The following CHD5 variants were observed in gnomAD, a reference collection of about 807,000 sequenced individuals.
CHD5 encodes ATP-dependent chromatin remodeler CHD5.
Under a neutral mutation model 230.3 loss-of-function variants are expected in CHD5, and 69 were observed. The ratio of observed to expected loss-of-function variants is 0.30; its 90% CI spans 0.25 to 0.37. The LOEUF (loss-of-function observed/expected upper bound fraction) is 0.37. Ranked by LOEUF, CHD5 falls within the 10% of genes least tolerant of loss-of-function variation. CHD5 has a pLI of 1.00. For synonymous variants in CHD5, 1,064 were observed against 1,065.9 expected, an observed-to-expected ratio of 1.00 and a Z score of 0.03; for missense variants, 1,827 against 2,622.8, an observed-to-expected ratio of 0.70 and a Z score of 6.63.
intron 13 of CHD5, among the ~76,000 whole-genome samples, chr1:6,143,615 G>A (rs1307965442): frequency 6.6e-6 from 1 of 152,188 alleles, no homozygotes; most frequent in Non-Finnish European, 1.5e-5. Context: ...CTCCTCCCAG[G>A]TGAGAGTGGT....
intron 1 of CHD5, 34 bp downstream of exon 1, chr1:6,179,911 G>T: frequency 8.3e-7 from 1 of 1,205,986 alleles, no homozygotes; most frequent in Non-Finnish European, 1.1e-6. Context: ...CGCCCCCGCC[G>T]CTCTGGCCCC....
In CHD5 at chr1:6,123,991, G is replaced by A. The variant is rs377149511; in HGVS notation, c.4656C>T (p.Pro1552=). ...CTGGCAGGAGGTGGGCAGGGCTGGCGGGCACTGGTGTGTTGGGGTCCGAGG... is the reference window on the plus strand; with the variant it reads ...CTGGCAGGAGGTGGGCAGGGCTGGCAGGCACTGGTGTGTTGGGGTCCGAGG... ...VISSDPNTPV[P]ASPAHLLPAP... The change falls in exon 31 of 42, where the codon CCC becomes CCT. Residue 1552 remains proline (P), a synonymous_variant. Transcript: ENST00000262450. 1.6e-5 allele frequency: 26 copies of A among 1,607,644 alleles called. No individual in the cohort carries two copies. Among genetic ancestry groups the A allele is most frequent in the Middle Eastern group, 1.7e-4 (1 of 5,738 alleles).
chr1:6,114,489 T>C lies in CHD5; in HGVS notation c.4913-1491A>G, dbSNP rs188716490. ...AAACACTGATGACAGCTGATGAGCTTATATATATATACACATAAACACACA... is the reference window on the plus strand; with the variant it reads ...AAACACTGATGACAGCTGATGAGCTCATATATATATACACATAAACACACA... On this transcript the variant is annotated intron_variant, in intron 33 of 41. Transcript: ENST00000262450. 4.2e-3 allele frequency among the ~76,000 whole-genome samples: 592 copies of C among 142,302 alleles called. 2 individuals are homozygous for C. The highest frequency in any genetic ancestry group is 0.014 in the Middle Eastern group (4 of 278). The allele number at this position is 142,302 out of a possible 152,430, so 93.4% of individuals were successfully genotyped here.
intron 9 of CHD5, among the ~76,000 whole-genome samples, chr1:6,148,588 G>A (rs907293514): frequency 1.3e-5 from 2 of 152,208 alleles, no homozygotes; most frequent in African/African-American, 4.8e-5. Context: ...TGGTCGCGGT[G>A]TTGGCATGAT....
At chr1:6,150,203 T>TGGAC (rs1666980898) in intron 7 of CHD5, among the ~76,000 whole-genome samples, 1 of 146,806 alleles carries the variant, frequency 6.8e-6, no homozygotes, top group African/African-American at 2.6e-5. Context: ...GGTAGATGGA[T>TGGAC]GGATGAACCA....
chr1:6,123,938 G>A lies in CHD5; in HGVS notation c.4699+10C>T. 1 of 1,479,692 alleles carries A rather than the reference G, an allele frequency of 6.8e-7. No homozygotes were observed. Among genetic ancestry groups the A allele is most frequent in the Non-Finnish European group, 8.9e-7 (1 of 1,118,882 alleles). 91.7% of individuals were successfully genotyped at this position (1,479,692 alleles called of 1,614,324 possible). A position where few individuals can be genotyped will look rare whatever the true frequency, so the allele number is the denominator to read the frequency against. ...CCCAGTGCCCTCCCCGGCCCGCCCA[G>A]CCCACAGACCTGGCAGGCCCAGCGG... On this transcript the variant is annotated intron_variant, in intron 31 of 41. Coordinates refer to ENST00000262450, the MANE Select transcript of CHD5 (RefSeq NM_015557.3).
chr1:6,135,002 G>A lies in CHD5; in HGVS notation c.2871-143C>T, dbSNP rs529386520. ...GGGACCCCCAAGAGGTGAAGCCACC[G>A]GCCTGGAGTCCCCCTGCAAGTGACT... On this transcript the variant is annotated intron_variant, in intron 18 of 41. Transcript: ENST00000262450. 86 of 1,127,342 alleles carry A rather than the reference G, an allele frequency of 7.6e-5. No individual in the cohort carries two copies. The East Asian group carries it at 1.2e-3, about 16-fold the overall frequency. 69.8% of individuals were successfully genotyped at this position (1,127,342 alleles called of 1,614,324 possible).
intron 1 of CHD5, among the ~76,000 whole-genome samples, chr1:6,174,484 AGATG>A (rs1667388339): frequency 6.8e-6 from 1 of 146,690 alleles, no homozygotes; most frequent in Non-Finnish European, 1.5e-5. Context: ...GATGGTGGGT[AGATG>A]GATGGATAGA....
At chr1:6,116,366 ATGAC>A (rs1169972382) in intron 33 of CHD5, among the ~76,000 whole-genome samples, 1 of 152,234 alleles carries the variant, frequency 6.6e-6, no homozygotes, top group Non-Finnish European at 1.5e-5. Context: ...CAAAGAGAGA[ATGAC>A]TGAGAATTTT....
chr1:6,163,310 T>C (rs2100877433), intron 2 of CHD5, among the ~76,000 whole-genome samples: 1 of 152,304 alleles, frequency 6.6e-6, no homozygotes, highest in Non-Finnish European at 1.5e-5. Context: ...GCCCAGTCGA[T>C]GAGAAGGGTC....
At chr1:6,150,386 A>G (rs1027909262) in intron 7 of CHD5, among the ~76,000 whole-genome samples, 249 of 149,594 alleles carry the variant, frequency 1.7e-3, no homozygotes, top group Non-Finnish European at 3.1e-3. Context: ...GGATGGATGG[A>G]TGGATGGATG....
At chr1:6,149,999 AAATGGATGGATG>A (rs1310258377) in intron 7 of CHD5, among the ~76,000 whole-genome samples, 1 of 124,358 alleles carries the variant, frequency 8.0e-6, no homozygotes, top group East Asian at 3.2e-4. Context: ...ATGGATGGAC[AAATGGATGGATG>A]GATGGATGGA....
rs779706608 is a variant in CHD5 at position 6,102,894 on chromosome 1, T to G, written c.*2580A>C. On this transcript the variant is annotated 3_prime_UTR_variant, in exon 42 of 42. Transcript: ENST00000262450. ...CTCCACCCCGAGTCACCTGAGCCCA[T>G]GGGGCAATGCCTTCCAAGACCTTGG... 1 of 152,378 alleles carries G rather than the reference T, an allele frequency of 6.6e-6. No homozygotes were observed. The highest frequency in any genetic ancestry group is 1.5e-5 in the Non-Finnish European group (1 of 68,028). 9.4% of individuals were successfully genotyped at this position (152,378 alleles called of 1,614,324 possible). A position where few individuals can be genotyped will look rare whatever the true frequency, so the allele number is the denominator to read the frequency against.
At chr1:6,160,648 C>T (rs546938756) in intron 2 of CHD5, among the ~76,000 whole-genome samples, 30 of 152,390 alleles carry the variant, frequency 2.0e-4, no homozygotes, top group African/African-American at 3.4e-4. Context: ...TCTCCATGTG[C>T]GGACTCTGCA....
chr1:6,149,309 A>G lies in CHD5; in HGVS notation c.1098T>C (p.His366=), dbSNP rs1666961690. The change falls in exon 8 of 42, where the codon CAT becomes CAC. Residue 366 remains histidine, a synonymous_variant. Coordinates refer to ENST00000262450, the MANE Select transcript of CHD5 (RefSeq NM_015557.3). The part of the protein sequence containing the change: ...ILCDTCPRAY[H]LVCLDPELEK... ...CCAGCTCTGGGTCCAGGCATACGAGATGGTAGGCCCTCGGGCAGGTGTCGC... is the reference window on the plus strand; with the variant it reads ...CCAGCTCTGGGTCCAGGCATACGAGGTGGTAGGCCCTCGGGCAGGTGTCGC... 2 of 1,612,092 alleles carry G rather than the reference A, an allele frequency of 1.2e-6. No homozygotes were observed. Among genetic ancestry groups the G allele is most frequent in the African/African-American group, 1.3e-5 (1 of 74,414 alleles).
intron 36 of CHD5, among the ~76,000 whole-genome samples, chr1:6,110,991 A>G (rs1218533080): frequency 6.6e-6 from 1 of 152,142 alleles, no homozygotes; most frequent in East Asian, 1.9e-4. Context: ...GCATTTTGGG[A>G]GGCCAAGGTG....
At chr1:6,160,199 A>G (rs1200313103) in intron 2 of CHD5, among the ~76,000 whole-genome samples, 31 of 80,806 alleles carry the variant, frequency 3.8e-4, no homozygotes, top group African/African-American at 5.5e-4. Flanking sequence ...GCCAGAGAAG[A>G]AGAGCCCTAG....
chr1:6,170,953 C>T (rs1037772051), intron 1 of CHD5, among the ~76,000 whole-genome samples: 47 of 152,180 alleles, frequency 3.1e-4, no homozygotes, highest in African/African-American at 1.0e-3. Flanking sequence ...CGCAGGAGAC[C>T]GCCTGGGCAG....
chr1:6,124,714 C>G (rs1666527360), intron 29 of CHD5, 53 bp from the exon 30 acceptor site: 2 of 1,149,946 alleles, frequency 1.7e-6, no homozygotes, highest in Non-Finnish European at 2.5e-6. Context: ...CGGCAAGAAC[C>G]CTCTGAGAGG....
Sources: gnomAD v4.1 joint callset for allele counts (sites outside exome capture counted in the v4.1 genomes callset) on GRCh38, gnomAD v4.1.1 for gene constraint, MANE v1.5 for transcripts, NCBI Gene and HGNC (gene_info 2026-07-23, HGNC 2026-07-21) for gene names.